RIC8B: variants seen among roughly 807,000 people sequenced by gnomAD.
The protein encoded by RIC8B is RIC8 guanine nucleotide exchange factor B, also known as chaperone Ric-8B.
RIC8B carries 16 observed loss-of-function variants against 57.5 expected under a neutral mutation model. That is an observed-to-expected ratio of 0.28 (90% CI 0.19 to 0.42). RIC8B has a LOEUF of 0.42. RIC8B is among the 10% of genes least tolerant of loss of function. The pLI, the probability that RIC8B is intolerant of heterozygous loss-of-function variation, is 1.00. For synonymous variants in RIC8B, 216 were observed against 250.8 expected (o/e 0.86, Z 1.31); for missense variants, 481 against 677.0 (o/e 0.71, Z 3.21).
chr12:106,873,237 T>G, intron 9 of RIC8B: 1 of 965,650 alleles, frequency 1.0e-6, no homozygotes, highest in South Asian at 4.8e-5. Flanking sequence ...TTTGATGGTA[T>G]CAATTTTGCC....
intron 2 of RIC8B, among the ~76,000 whole-genome samples, chr12:106,786,141 ATTTTTT>A (rs893618675): frequency 0.028 from 2,067 of 73,718 alleles, 14 homozygotes; most frequent in Middle Eastern, 0.038. Context: ...CCCAAGGTGT[ATTTTTT>A]TTTTTTTTTT....
chr12:106,886,036 T>A lies in RIC8B; in HGVS notation c.*21T>A. 6.8e-7 allele frequency: 1 copy of A among 1,479,702 alleles called. No homozygotes were observed. Among genetic ancestry groups the A allele is most frequent in the Non-Finnish European group, 9.4e-7 (1 of 1,058,488 alleles). 91.7% of individuals were successfully genotyped at this position (1,479,702 alleles called of 1,614,324 possible). On this transcript the variant is annotated 3_prime_UTR_variant, in exon 10 of 10. Transcript: ENST00000392837. ...ACTAAAAGCATCACCTGCTCAACTC[T>A]CAATATTGCTTTATCAGCATCTTTT...
intron 9 of RIC8B, chr12:106,874,372 A>C (rs1203351752): frequency 4.9e-6 from 4 of 824,122 alleles, no homozygotes; most frequent in Non-Finnish European, 8.1e-6. Flanking sequence ...CTCAAAAATG[A>C]AATGGTTTTC....
chr12:106,808,103 TAG>T (rs2045139342), intron 2 of RIC8B, among the ~76,000 whole-genome samples: 1 of 146,494 alleles, frequency 6.8e-6, no homozygotes, highest in African/African-American at 2.5e-5. Context: ...AAAAAAAAAT[TAG>T]GGGAAAAAAC....
chr12:106,870,024 T>A (rs1379096133), intron 8 of RIC8B, among the ~76,000 whole-genome samples: 1 of 152,112 alleles, frequency 6.6e-6, no homozygotes, highest in Non-Finnish European at 1.5e-5. Context: ...AGAAAAATGT[T>A]TGTTGTGGAT....
chr12:106,874,759 A>G (rs1487993056), intron 9 of RIC8B, among the ~76,000 whole-genome samples: 1 of 152,208 alleles, frequency 6.6e-6, no homozygotes, highest in African/African-American at 2.4e-5. Context: ...AAGATATTGG[A>G]GAGATTAGTG....
chr12:106,788,464 T>C (rs2044132532), intron 2 of RIC8B, among the ~76,000 whole-genome samples: 1 of 152,244 alleles, frequency 6.6e-6, no homozygotes, highest in African/African-American at 2.4e-5. Flanking sequence ...ATTTCCCTTC[T>C]GCACTGCCCT....
chr12:106,800,061 A>G (rs2044661555), intron 2 of RIC8B, among the ~76,000 whole-genome samples: 1 of 152,138 alleles, frequency 6.6e-6, no homozygotes, highest in Admixed American at 6.6e-5. Flanking sequence ...GCATTTATAC[A>G]GCAAGAACAC....
intron 3 of RIC8B, chr12:106,823,373 G>C (rs911332008): frequency 2.2e-6 from 1 of 450,454 alleles, no homozygotes; most frequent in East Asian, 7.0e-5. Context: ...AGCTAATTTA[G>C]TGGATTTAGA....
chr12:106,835,638 C>T (rs923330574), intron 4 of RIC8B, among the ~76,000 whole-genome samples: 2 of 152,084 alleles, frequency 1.3e-5, no homozygotes, highest in African/African-American at 2.4e-5. Context: ...CCTTCCCTTA[C>T]GAAAAGGAGT....
chr12:106,822,022 G>A (rs1276504183), intron 3 of RIC8B, among the ~76,000 whole-genome samples: 1 of 134,418 alleles, frequency 7.4e-6, no homozygotes, highest in Non-Finnish European at 1.5e-5. Context: ...AGCTTGCAGC[G>A]AGCCAAGATC....
intron 3 of RIC8B, among the ~76,000 whole-genome samples, chr12:106,816,734 TC>T (rs2045592227): frequency 6.6e-6 from 1 of 152,214 alleles, no homozygotes; most frequent in African/African-American, 2.4e-5. Context: ...TGGCTACACA[TC>T]AGTATATTTA....
At chr12:106,875,835 T>C (rs1442261477) in intron 9 of RIC8B, among the ~76,000 whole-genome samples, 14 of 152,184 alleles carry the variant, frequency 9.2e-5, no homozygotes, top group Non-Finnish European at 1.8e-4. Context: ...ATGACTTTTA[T>C]AATAAATGCA....
intron 8 of RIC8B, among the ~76,000 whole-genome samples, chr12:106,865,467 G>A (rs1950102340): frequency 6.6e-6 from 1 of 151,764 alleles, no homozygotes; most frequent in Non-Finnish European, 1.5e-5. Context: ...GAAAACAAAA[G>A]AAAGAAAATG....
At chr12:106,786,204 C>T (rs1156652339) in intron 2 of RIC8B, among the ~76,000 whole-genome samples, 1 of 134,654 alleles carries the variant, frequency 7.4e-6, no homozygotes, top group Non-Finnish European at 1.5e-5. Context: ...GGCTGGAGTG[C>T]AGTGGCGCCA....
chr12:106,796,056 T>C (rs745335190), intron 2 of RIC8B, among the ~76,000 whole-genome samples: 4 of 152,178 alleles, frequency 2.6e-5, no homozygotes, highest in African/African-American at 9.7e-5. Context: ...AGACTTACTA[T>C]TGCTAAAATG....
At chr12:106,866,458 T>G (rs1183457771) in intron 8 of RIC8B, among the ~76,000 whole-genome samples, 23 of 150,802 alleles carry the variant, frequency 1.5e-4, no homozygotes, top group Admixed American at 1.5e-3. Context: ...GTATTCTGGG[T>G]TTTTCCCCCT....
At chr12:106,799,157 T>A (rs2044617299) in intron 2 of RIC8B, among the ~76,000 whole-genome samples, 1 of 152,224 alleles carries the variant, frequency 6.6e-6, no homozygotes, top group Non-Finnish European at 1.5e-5. Flanking sequence ...TTATTTTTTA[T>A]AACATCACTA....
At chr12:106,856,556 G>A (rs1191600911) in intron 7 of RIC8B, among the ~76,000 whole-genome samples, 1 of 152,152 alleles carries the variant, frequency 6.6e-6, no homozygotes, top group African/African-American at 2.4e-5. Context: ...TATCCTTGAA[G>A]ACCAGCTTAA....
Sources: allele counts gnomAD v4.1 joint callset (sites outside exome capture counted in the v4.1 genomes callset), GRCh38; gene constraint gnomAD v4.1.1; transcripts MANE v1.5; gene names NCBI Gene and HGNC (gene_info 2026-07-23, HGNC 2026-07-21).